Variants in CFAP54 observed in about 807,000 individuals in gnomAD.
CFAP54 encodes the protein cilia- and flagella-associated protein 54.
In CFAP54, 290 loss-of-function variants were observed where a neutral mutation model predicts 370.4. The observed-to-expected ratio is 0.78, with a 90% CI of 0.71 to 0.86. CFAP54 has a LOEUF of 0.86. CFAP54 is among the 40% of genes least tolerant of loss of function. The probability of loss-of-function intolerance (pLI) is 0.00; values close to 1 mark genes in which losing one functional copy is unlikely to be tolerated. For missense variants in CFAP54, 3,399 were observed against 3,528.7 expected, an observed-to-expected ratio of 0.96 and a Z score of 0.93; for synonymous variants, 1,206 against 1,236.5, an observed-to-expected ratio of 0.98 and a Z score of 0.52.
chr12:96,544,889 A>G (rs1157061587), intron 14 of CFAP54, among the ~76,000 whole-genome samples: 1 of 151,146 alleles, frequency 6.6e-6, no homozygotes, highest in Non-Finnish European at 1.5e-5. Flanking sequence ...TGAGGAAGCT[A>G]TCAGGTATCT....
At chr12:96,802,199 T>A (rs1364820787) in intron 63 of CFAP54, among the ~76,000 whole-genome samples, 1 of 152,054 alleles carries the variant, frequency 6.6e-6, no homozygotes, top group African/African-American at 2.4e-5. Context: ...CCCACCACCC[T>A]GCTACAGCCT....
At chr12:96,638,802 G>A (rs979511715) in intron 32 of CFAP54, among the ~76,000 whole-genome samples, 5 of 152,100 alleles carry the variant, frequency 3.3e-5, no homozygotes, top group Non-Finnish European at 7.4e-5. Flanking sequence ...GTTCTGGCTA[G>A]GCCCATCAAT....
Position 96,794,905 on chromosome 12 carries a change from T to C in CFAP54, c.8850+2406T>C, listed in dbSNP as rs117477195. ...AAGATCTGGGACTCAGGGGCTTCTG[T>C]TGAGATTCTTTTGTCCCATGGGGTG... is the stretch of plus-strand genomic sequence containing the variant. On this transcript the variant is annotated intron_variant, in intron 63 of 67. Coordinates refer to ENST00000524981, the MANE Select transcript of CFAP54 (RefSeq NM_001306084.2). Among the ~76,000 whole-genome samples the C allele has an allele frequency of 9.5e-3, 1,450 of 152,244 alleles. 57 individuals are homozygous for C. In the East Asian group the frequency reaches 0.1, roughly 11 times the overall value.
At position 96,489,776 on chromosome 12, in the gene CFAP54, T is replaced by C. The variant is rs1274135973; in HGVS notation, c.167T>C (p.Leu56Ser). The change falls in exon 1 of 68, where the codon TTG becomes TCG. Residue 56 changes from leucine (L) to serine (S), a missense_variant. By Grantham distance (145) the Leu-to-Ser change is moderately radical (BLOSUM62 -2). This residue lies in a region of CFAP54 where 559 missense variants were observed against 576.7 expected (regional missense o/e 0.97). Transcript: ENST00000524981. Reference sequence around the variant, plus strand: ...CAGTGGACCTGCCCCGAGGACTCATTGCCCCTAGCCGTGTTTTATGGGCCG... The same window carrying C: ...CAGTGGACCTGCCCCGAGGACTCATCGCCCCTAGCCGTGTTTTATGGGCCG... ...LLQWTCPEDSLPLAVFYGPLD... is the reference protein window; with the variant it reads ...LLQWTCPEDSSPLAVFYGPLD... The C allele has an allele frequency of 6.5e-7, 1 of 1,536,076 alleles. No homozygotes were observed. The highest frequency in any genetic ancestry group is 2.4e-5 in the East Asian group (1 of 40,908).
At chr12:96,669,626 G>T (rs564602532) in intron 39 of CFAP54, among the ~76,000 whole-genome samples, 11 of 152,292 alleles carry the variant, frequency 7.2e-5, no homozygotes, top group African/African-American at 2.6e-4. Flanking sequence ...TTTCTGGCTT[G>T]GGTAGCCAGA....
chr12:96,817,430 CTTT>C (rs34215059), intron 64 of CFAP54, among the ~76,000 whole-genome samples: 2 of 144,654 alleles, frequency 1.4e-5, no homozygotes, highest in African/African-American at 2.5e-5. Context: ...ACCTTTCTTT[CTTT>C]TTTTTTTTTT....
At chr12:96,671,857 G>A (rs920076874) in intron 39 of CFAP54, among the ~76,000 whole-genome samples, 8 of 152,116 alleles carry the variant, frequency 5.3e-5, no homozygotes, top group African/African-American at 1.9e-4. Flanking sequence ...AGGAGGTGGA[G>A]GTTGCAGTGA....
chr12:96,835,877 G>A (rs556086489), intron 66 of CFAP54, among the ~76,000 whole-genome samples: 49 of 152,262 alleles, frequency 3.2e-4, no homozygotes, highest in African/African-American at 1.1e-3. Flanking sequence ...CTGGTGTGAT[G>A]GCAGTGGTAG....
chr12:96,788,703 C>A (rs1958652838), intron 62 of CFAP54, among the ~76,000 whole-genome samples: 1 of 152,068 alleles, frequency 6.6e-6, no homozygotes, highest in African/African-American at 2.4e-5. Context: ...CATTCCTTCC[C>A]TACTCAAGAG....
intron 26 of CFAP54, among the ~76,000 whole-genome samples, chr12:96,617,806 C>T (rs1045587164): frequency 3.3e-5 from 5 of 151,982 alleles, no homozygotes; most frequent in African/African-American, 9.7e-5. Context: ...CTGGCTAACA[C>T]GGTGAAACCC....
intron 64 of CFAP54, among the ~76,000 whole-genome samples, chr12:96,813,643 T>A (rs1958946960): frequency 6.6e-6 from 1 of 152,220 alleles, no homozygotes; most frequent in Non-Finnish European, 1.5e-5. Flanking sequence ...TAAATTGTGC[T>A]GTTGTGACCA....
At chr12:96,736,967 G>A (rs1957986959) in intron 50 of CFAP54, among the ~76,000 whole-genome samples, 2 of 152,316 alleles carry the variant, frequency 1.3e-5, no homozygotes, top group South Asian at 4.1e-4. Context: ...CTTTCTAGCT[G>A]TGTGACTTGG....
chr12:96,551,695 C>G, intron 15 of CFAP54, among the ~76,000 whole-genome samples: 1 of 152,100 alleles, frequency 6.6e-6, no homozygotes, highest in East Asian at 1.9e-4. Context: ...CAACAACCAT[C>G]TTCTTTAAAA....
At chr12:96,794,399 A>G (rs1000651134) in intron 63 of CFAP54, among the ~76,000 whole-genome samples, 6 of 150,924 alleles carry the variant, frequency 4.0e-5, no homozygotes, top group Non-Finnish European at 8.8e-5. Context: ...GTTGTTTAAC[A>G]TAATCCCAAA....
intron 26 of CFAP54, among the ~76,000 whole-genome samples, chr12:96,602,190 T>C (rs1956249934): frequency 6.6e-6 from 1 of 152,214 alleles, no homozygotes; most frequent in Non-Finnish European, 1.5e-5. Flanking sequence ...AAGATCTTTA[T>C]TTCTGCCTTC....
chr12:96,614,463 A>G (rs1956394194), intron 26 of CFAP54, among the ~76,000 whole-genome samples: 1 of 152,260 alleles, frequency 6.6e-6, no homozygotes, highest in South Asian at 2.1e-4. Context: ...CAAGACAGGG[A>G]TGCCCTCTCT....
At chr12:96,821,362 A>C (rs904065441) in intron 65 of CFAP54, among the ~76,000 whole-genome samples, 1 of 152,138 alleles carries the variant, frequency 6.6e-6, no homozygotes, top group African/African-American at 2.4e-5. Flanking sequence ...TGCCTTAAGA[A>C]AGGCTTATGG....
intron 43 of CFAP54, among the ~76,000 whole-genome samples, chr12:96,690,836 G>A (rs1328092542): frequency 6.6e-6 from 1 of 152,054 alleles, no homozygotes; most frequent in Non-Finnish European, 1.5e-5. Context: ...TTTACCAGCA[G>A]TGCTTAACAT....
intron 60 of CFAP54, among the ~76,000 whole-genome samples, chr12:96,771,515 G>A (rs1044964546): frequency 1.3e-5 from 2 of 152,298 alleles, no homozygotes; most frequent in African/African-American, 4.8e-5. Flanking sequence ...AGCCAGGCGC[G>A]GTGGTGGGCC....
Sources: allele counts gnomAD v4.1 joint callset (sites outside exome capture counted in the v4.1 genomes callset), GRCh38; gene constraint gnomAD v4.1.1; regional missense constraint gnomAD v4.1.1; transcripts MANE v1.5; gene names NCBI Gene and HGNC (gene_info 2026-07-23, HGNC 2026-07-21).